The following GRID2 variants were observed in gnomAD, a reference collection of about 807,000 sequenced individuals.
The protein encoded by GRID2 is glutamate ionotropic receptor delta type subunit 2.
In GRID2, 33 loss-of-function variants were observed where a neutral mutation model predicts 114.8. That is an observed-to-expected ratio of 0.29 (90% CI 0.22 to 0.38). The LOEUF (loss-of-function observed/expected upper bound fraction) is 0.38. GRID2 is among the 10% of genes least tolerant of loss of function. GRID2 has a pLI of 1.00. For synonymous variants in GRID2, 505 were observed against 449.9 expected, an observed-to-expected ratio of 1.12 and a Z score of -1.55; for missense variants, 1,184 against 1,257.7, an observed-to-expected ratio of 0.94 and a Z score of 0.89.
chr4:92,425,672 G>A (rs1732126223), intron 1 of GRID2, among the ~76,000 whole-genome samples: 1 of 152,018 alleles, frequency 6.6e-6, no homozygotes, highest in South Asian at 2.1e-4. Flanking sequence ...CATGGATTGG[G>A]CAGGCATTAC....
rs772872972 is a variant in GRID2 at position 93,207,366 on chromosome 4, T to C, written c.736-38T>C. On this transcript the variant is annotated intron_variant, in intron 4 of 15. Coordinates refer to ENST00000282020, the MANE Select transcript of GRID2 (RefSeq NM_001510.4). ...ATTTAGTTGGGTTTGTTTTGCATGA[T>C]TAATTTTGACTGATAGCTGATTTGT... The C allele has an allele frequency of 7.6e-6, 11 of 1,451,926 alleles. No individual in the cohort carries two copies. In the South Asian group the frequency reaches 1.0e-4, roughly 14 times the overall value. The allele number at this position is 1,451,926 out of a possible 1,614,324, so 89.9% of individuals were successfully genotyped here.
chr4:92,965,788 C>G (rs1052145169), intron 2 of GRID2, among the ~76,000 whole-genome samples: 1 of 151,806 alleles, frequency 6.6e-6, no homozygotes, highest in African/African-American at 2.4e-5. Context: ...ATTTAAAACT[C>G]AAATGTTTAA....
At chr4:92,555,592 A>G (rs1043275013) in intron 1 of GRID2, among the ~76,000 whole-genome samples, 8 of 152,062 alleles carry the variant, frequency 5.3e-5, no homozygotes, top group African/African-American at 1.9e-4. Context: ...TTCCTAAAAT[A>G]TTGGGATGAA....
At chr4:93,122,890 G>GTTTTTTTTTTTTTTT (rs886185779) in intron 4 of GRID2, among the ~76,000 whole-genome samples, 3 of 69,804 alleles carry the variant, frequency 4.3e-5, no homozygotes, top group Admixed American at 2.2e-4. Context: ...ACAGATGTGG[G>GTTTTTTTTTTTTTTT]TTTTTTTTTT....
At chr4:93,373,203 C>A (rs1410909560) in intron 8 of GRID2, among the ~76,000 whole-genome samples, 1 of 152,112 alleles carries the variant, frequency 6.6e-6, no homozygotes, top group East Asian at 1.9e-4. Flanking sequence ...ATATTTATCA[C>A]TCTTAAATAT....
At chr4:93,072,583 T>C (rs1481889742) in intron 2 of GRID2, among the ~76,000 whole-genome samples, 1 of 152,008 alleles carries the variant, frequency 6.6e-6, no homozygotes, top group Non-Finnish European at 1.5e-5. Context: ...GTTTGAACTC[T>C]GCAGGCCCAT....
intron 2 of GRID2, among the ~76,000 whole-genome samples, chr4:92,816,531 G>T (rs1166773330): frequency 2.6e-5 from 4 of 151,980 alleles, no homozygotes; most frequent in Non-Finnish European, 5.9e-5. Flanking sequence ...GTTTGGTAAA[G>T]GTTTCCACAA....
intron 2 of GRID2, among the ~76,000 whole-genome samples, chr4:92,985,371 A>G (rs1479477009): frequency 1.3e-5 from 2 of 151,696 alleles, no homozygotes; most frequent in Non-Finnish European, 2.9e-5. Context: ...CTCAGCTGCG[A>G]CTACAGGCGC....
intron 4 of GRID2, among the ~76,000 whole-genome samples, chr4:93,163,194 AC>A (rs1047380074): frequency 6.6e-6 from 1 of 151,512 alleles, no homozygotes; most frequent in Non-Finnish European, 1.5e-5. Context: ...AAATACATAT[AC>A]AAATTATATG....
intron 1 of GRID2, among the ~76,000 whole-genome samples, chr4:92,536,018 T>G (rs747385973): frequency 6.6e-6 from 1 of 152,148 alleles, no homozygotes; most frequent in Non-Finnish European, 1.5e-5. Context: ...CATAAAGGCG[T>G]TGCAGACCCA....
At chr4:93,393,992 T>C (rs189467758) in intron 8 of GRID2, among the ~76,000 whole-genome samples, 5 of 152,120 alleles carry the variant, frequency 3.3e-5, no homozygotes, top group Non-Finnish European at 2.9e-5. Context: ...AGAAAGCACA[T>C]TGGAATAGCT....
chr4:93,620,189 TAAG>T (rs1485473342), intron 13 of GRID2, among the ~76,000 whole-genome samples: 1 of 152,196 alleles, frequency 6.6e-6, no homozygotes, highest in Non-Finnish European at 1.5e-5. Context: ...TCTATTATCA[TAAG>T]AAATAAATGG....
intron 8 of GRID2, among the ~76,000 whole-genome samples, chr4:93,384,349 GGCCATCTT>G (rs1425141250): frequency 6.6e-6 from 1 of 152,062 alleles, no homozygotes; most frequent in African/African-American, 2.4e-5. Flanking sequence ...AATTATCTGT[GGCCATCTT>G]GCAGGCAGAC....
chr4:93,488,369 T>C (rs1172988531), intron 11 of GRID2, among the ~76,000 whole-genome samples: 1 of 151,960 alleles, frequency 6.6e-6, no homozygotes, highest in Admixed American at 6.6e-5. Flanking sequence ...GGTTAGCCTG[T>C]TCTGAATATA....
intron 2 of GRID2, among the ~76,000 whole-genome samples, chr4:92,943,444 AC>A (rs1330856696): frequency 6.6e-6 from 1 of 151,876 alleles, no homozygotes; most frequent in Non-Finnish European, 1.5e-5. Flanking sequence ...TCGTTTAAAG[AC>A]TTCTCTGCAT....
At chr4:93,213,216 T>G (rs1392619821) in intron 5 of GRID2, among the ~76,000 whole-genome samples, 1 of 152,194 alleles carries the variant, frequency 6.6e-6, no homozygotes, top group Non-Finnish European at 1.5e-5. Context: ...CTTCTCTTCC[T>G]GTTGGTACAT....
At chr4:93,325,623 G>T (rs1177945142) in intron 8 of GRID2, among the ~76,000 whole-genome samples, 2 of 151,836 alleles carry the variant, frequency 1.3e-5, no homozygotes, top group Admixed American at 6.6e-5. Context: ...ATTACTAGAA[G>T]TTCTCCCTCT....
intron 2 of GRID2, among the ~76,000 whole-genome samples, chr4:92,904,023 T>A (rs1578427675): frequency 6.6e-6 from 1 of 152,048 alleles, no homozygotes; most frequent in African/African-American, 2.4e-5. Flanking sequence ...TTTCTTTTCT[T>A]ATTTCTAAGA....
chr4:93,479,946 A>C (rs535011308), intron 11 of GRID2, among the ~76,000 whole-genome samples: 1 of 152,194 alleles, frequency 6.6e-6, no homozygotes, highest in East Asian at 1.9e-4. Flanking sequence ...TTTTTCAATA[A>C]ATCATGTTAT....
Sources: allele counts gnomAD v4.1 joint callset (sites outside exome capture counted in the v4.1 genomes callset), GRCh38; gene constraint gnomAD v4.1.1; transcripts MANE v1.5; gene names NCBI Gene and HGNC (gene_info 2026-07-23, HGNC 2026-07-21).